ROBO1: variants seen among roughly 807,000 people sequenced by gnomAD.
ROBO1 encodes roundabout guidance receptor 1.
In ROBO1, 149 loss-of-function variants were observed where a neutral mutation model predicts 195.9. The ratio of observed to expected loss-of-function variants is 0.76; its 90% CI spans 0.67 to 0.87. ROBO1 has a LOEUF of 0.87. Among genes scored for constraint, ROBO1 ranks in the 40% least tolerant of loss-of-function variants. ROBO1 has a pLI of 0.00. For synonymous variants in ROBO1, 816 were observed against 733.2 expected (o/e 1.11, Z -1.82); for missense variants, 1,933 against 2,068.3 (o/e 0.93, Z 1.27).
chr3:78,790,104 A>G (rs1402091070), intron 4 of ROBO1, among the ~76,000 whole-genome samples: 2 of 152,170 alleles, frequency 1.3e-5, no homozygotes, highest in Non-Finnish European at 2.9e-5. Flanking sequence ...GTCCTAAAAC[A>G]TAATCTCTCA....
intron 2 of ROBO1, among the ~76,000 whole-genome samples, chr3:79,282,234 T>C (rs2031567845): frequency 6.6e-6 from 1 of 152,178 alleles, no homozygotes. Context: ...GAAGATACTG[T>C]AAAGGTGAAG....
At chr3:79,606,713 T>A (rs892507667) in intron 1 of ROBO1, among the ~76,000 whole-genome samples, 1 of 151,936 alleles carries the variant, frequency 6.6e-6, no homozygotes, top group Admixed American at 6.6e-5. Context: ...TGATATCATA[T>A]TTGCCAGATT....
At chr3:78,993,680 G>A (rs2077289506) in intron 3 of ROBO1, among the ~76,000 whole-genome samples, 1 of 152,088 alleles carries the variant, frequency 6.6e-6, no homozygotes, top group South Asian at 2.1e-4. Flanking sequence ...TGTGTTTTTT[G>A]AAGGATCCAT....
chr3:79,266,789 T>G (rs2030000951), intron 2 of ROBO1, among the ~76,000 whole-genome samples: 1 of 151,634 alleles, frequency 6.6e-6, no homozygotes, highest in South Asian at 2.1e-4. Flanking sequence ...CAACCCATTT[T>G]ATACCAAACA....
chr3:78,997,321 G>A (rs977054635), intron 3 of ROBO1, among the ~76,000 whole-genome samples: 3 of 152,072 alleles, frequency 2.0e-5, no homozygotes, highest in African/African-American at 7.2e-5. Context: ...TTGTTTCTCT[G>A]ACCACTAGCA....
At chr3:79,289,220 G>A (rs1344364604) in intron 2 of ROBO1, among the ~76,000 whole-genome samples, 2 of 151,844 alleles carry the variant, frequency 1.3e-5, no homozygotes, top group African/African-American at 4.8e-5. Flanking sequence ...CACACCATTT[G>A]GTGACAGTAC....
At chr3:79,375,648 C>CAAGT (rs1391697986) in intron 2 of ROBO1, among the ~76,000 whole-genome samples, 2 of 152,124 alleles carry the variant, frequency 1.3e-5, no homozygotes, top group Non-Finnish European at 2.9e-5. Context: ...GGACCTTAGT[C>CAAGT]AAGTGTACTG....
chr3:78,686,188 T>C (rs1010851376), intron 9 of ROBO1, among the ~76,000 whole-genome samples: 11 of 152,168 alleles, frequency 7.2e-5, no homozygotes, highest in Admixed American at 1.3e-4. Flanking sequence ...ATAGGGTCAT[T>C]TGAAAATTTA....
chr3:79,586,496 T>C (rs1230735617), intron 2 of ROBO1, among the ~76,000 whole-genome samples: 5 of 151,940 alleles, frequency 3.3e-5, no homozygotes, highest in East Asian at 1.9e-4. Context: ...AGGACAACAC[T>C]GCTGCACATT....
chr3:79,721,381 A>G (rs1702695651), intron 1 of ROBO1, among the ~76,000 whole-genome samples: 1 of 152,218 alleles, frequency 6.6e-6, no homozygotes, highest in African/African-American at 2.4e-5. Context: ...ACTAAAAAAA[A>G]GTACCAAAAC....
In ROBO1 at chr3:78,714,500, G is replaced by A. The variant is rs756661751; in HGVS notation, c.942C>T (p.Thr314=). The A allele has an allele frequency of 6.2e-7, 1 of 1,610,852 alleles. No individual in the cohort carries two copies. Among genetic ancestry groups the A allele is most frequent in the Non-Finnish European group, 8.5e-7 (1 of 1,178,584 alleles). Residue 314 remains threonine (T), a synonymous_variant, in exon 8 of 31, where the codon ACC becomes ACT. Coordinates refer to ENST00000464233, the MANE Select transcript of ROBO1 (RefSeq NM_002941.4). Reference sequence around the variant, plus strand: ...CAGCTGTCACCTTCCTAATTTTCAAGGTATGATCATCTCGGATTTCATATC... The same window carrying A: ...CAGCTGTCACCTTCCTAATTTTCAAAGTATGATCATCTCGGATTTCATATC... ...KSRYEIRDDH[T]LKIRKVTAGD...
intron 3 of ROBO1, among the ~76,000 whole-genome samples, chr3:79,100,357 C>A (rs1038390590): frequency 2.6e-5 from 4 of 151,700 alleles, no homozygotes; most frequent in Non-Finnish European, 5.9e-5. Context: ...GCAACATAAT[C>A]AATTTGGATG....
intron 3 of ROBO1, among the ~76,000 whole-genome samples, chr3:79,065,145 T>C (rs1182956017): frequency 2.0e-5 from 3 of 151,878 alleles, no homozygotes; most frequent in African/African-American, 4.8e-5. Context: ...TAAAAACCCA[T>C]TTTTGAAACA....
At position 78,882,986 on chromosome 3, in the gene ROBO1, T is replaced by C. The variant is rs370079427; in HGVS notation, c.499+55615A>G. ...CGCCACCACACCAGGCTAATTTTTG[T>C]ATTTTTAGTAGAGATGGGGTTTCAC... On this transcript the variant is annotated intron_variant, in intron 4 of 30. Transcript: ENST00000464233. Among the ~76,000 whole-genome samples, 19 of 152,074 alleles carry C rather than the reference T, an allele frequency of 1.2e-4. No individual in the cohort carries two copies. The East Asian group carries it at 1.4e-3, about 11-fold the overall frequency.
intron 2 of ROBO1, among the ~76,000 whole-genome samples, chr3:79,174,989 GA>G (rs1186125246): frequency 6.6e-6 from 1 of 151,974 alleles, no homozygotes; most frequent in Non-Finnish European, 1.5e-5. Context: ...AACCAAGGTA[GA>G]AAAAAGTTAT....
chr3:79,723,806 GTTTA>G (rs5850447), intron 1 of ROBO1, among the ~76,000 whole-genome samples: 133,885 of 151,738 alleles, frequency 0.88, 59,120 homozygotes, highest in Middle Eastern at 0.95. Context: ...TTTCTATAAG[GTTTA>G]TTTATTTTCA....
At chr3:79,412,451 T>C (rs974582100) in intron 2 of ROBO1, among the ~76,000 whole-genome samples, 2 of 152,162 alleles carry the variant, frequency 1.3e-5, no homozygotes, top group African/African-American at 4.8e-5. Flanking sequence ...TTATAGTACT[T>C]GACAAAATTG....
At chr3:78,939,053 A>G in intron 3 of ROBO1, 126 bp from the exon 4 acceptor site, 1 of 769,592 alleles carries the variant, frequency 1.3e-6, no homozygotes. Context: ...TTCCTACCCT[A>G]TTTACTAACA....
At chr3:78,614,116 A>G (rs767379105) in intron 28 of ROBO1, among the ~76,000 whole-genome samples, 15 of 152,222 alleles carry the variant, frequency 9.9e-5, no homozygotes, top group African/African-American at 1.7e-4. Context: ...TCCCTCGAGA[A>G]TATGAACGTT....
Sources: gnomAD v4.1 joint callset for allele counts (sites outside exome capture counted in the v4.1 genomes callset) on GRCh38, gnomAD v4.1.1 for gene constraint, MANE v1.5 for transcripts, NCBI Gene and HGNC (gene_info 2026-07-23, HGNC 2026-07-21) for gene names.